Variants in CAB39L observed in about 807,000 individuals in gnomAD.
CAB39L encodes calcium binding protein 39 like, also known as calcium-binding protein 39-like.
In CAB39L, 23 loss-of-function variants were observed where a neutral mutation model predicts 39.1. The ratio of observed to expected loss-of-function variants is 0.59; its 90% CI spans 0.42 to 0.83. The LOEUF (loss-of-function observed/expected upper bound fraction) is 0.83. Ranked by LOEUF, CAB39L falls within the 40% of genes least tolerant of loss-of-function variation. CAB39L has a pLI of 0.00. For missense variants in CAB39L, 366 were observed against 391.9 expected (o/e 0.93, Z 0.56); for synonymous variants, 126 against 137.2 (o/e 0.92, Z 0.57).
Position 49,405,753 on chromosome 13 carries a change from G to GGGAGGGAC in CAB39L, c.-31-22820_-31-22813dup, listed in dbSNP as rs1464429339. Among the ~76,000 whole-genome samples, 438 of 146,794 alleles carry GGGAGGGAC rather than the reference G, an allele frequency of 3.0e-3. 3 individuals carry two copies. The highest frequency in any genetic ancestry group is 0.01 in the African/African-American group (403 of 39,944). On this transcript the variant is annotated intron_variant, in intron 3 of 10. Transcript: ENST00000409308. ...AGGAAGGAAGGAAGGAAGGAAGGGA[G>GGGAGGGAC]GGAGGGACGGAGGGACAGAGGGAGG...
intron 3 of CAB39L, chr13:49,412,844 T>C (rs1292339022): frequency 6.6e-6 from 1 of 152,202 alleles, no homozygotes; most frequent in Non-Finnish European, 1.5e-5. Context: ...TCTATGAGAC[T>C]CTAATTCTGC....
chr13:49,440,559 T>C (rs181476680), intron 1 of CAB39L, among the ~76,000 whole-genome samples: 13 of 151,866 alleles, frequency 8.6e-5, no homozygotes, highest in South Asian at 2.1e-4. Flanking sequence ...GTGTAGCTTG[T>C]TTTGGGCAGT....
chr13:49,374,015 A>G (rs569348605), intron 5 of CAB39L, among the ~76,000 whole-genome samples: 1 of 152,342 alleles, frequency 6.6e-6, no homozygotes, highest in South Asian at 2.1e-4. Context: ...CTTCCTGAAA[A>G]TACTGTATGT....
chr13:49,339,077 C>T (rs1032965960), intron 9 of CAB39L, among the ~76,000 whole-genome samples: 3 of 150,104 alleles, frequency 2.0e-5, no homozygotes, highest in African/African-American at 7.4e-5. Flanking sequence ...TTATCAATTG[C>T]TGTGCTTAAA....
chr13:49,368,159 T>A (rs1036287242), intron 5 of CAB39L, among the ~76,000 whole-genome samples: 51 of 152,238 alleles, frequency 3.4e-4, no homozygotes, highest in African/African-American at 1.2e-3. Flanking sequence ...CAGTGAAATG[T>A]CACAAGAACA....
At chr13:49,317,745 G>C (rs946311228) in intron 10 of CAB39L, among the ~76,000 whole-genome samples, 2 of 151,890 alleles carry the variant, frequency 1.3e-5, no homozygotes, top group African/African-American at 4.8e-5. Flanking sequence ...AAAAATACAA[G>C]CAATGAAAGA....
intron 10 of CAB39L, among the ~76,000 whole-genome samples, chr13:49,329,554 T>C (rs1294756558): frequency 0.01 from 68 of 6,724 alleles, 2 homozygotes; most frequent in African/African-American, 0.071. Flanking sequence ...AATATATATA[T>C]ATATATATAT....
Position 49,339,668 on chromosome 13 carries a change from T to G in CAB39L, c.690+9A>C. 6.4e-7 allele frequency: 1 copy of G among 1,562,360 alleles called. No homozygotes were observed. The highest frequency in any genetic ancestry group is 8.6e-7 in the Non-Finnish European group (1 of 1,158,270). Reference sequence around the variant, plus strand: ...ACGGGGACACTGACTTAAAGAAATTTGATATTACCTTTAAAGACTGTCTCT... The same window carrying G: ...ACGGGGACACTGACTTAAAGAAATTGGATATTACCTTTAAAGACTGTCTCT... On this transcript the variant is annotated intron_variant, in intron 9 of 10. Transcript: ENST00000409308.
At chr13:49,338,615 A>C (rs1301100487) in intron 9 of CAB39L, among the ~76,000 whole-genome samples, 1 of 152,148 alleles carries the variant, frequency 6.6e-6, no homozygotes, top group African/African-American at 2.4e-5. Flanking sequence ...ACTAACCTGC[A>C]CAATGTGCAC....
At position 49,409,601 on chromosome 13, in the gene CAB39L, T is replaced by TC. The variant is rs149314310; in HGVS notation, c.-32+23716dup. ...ACATAAGTGGAATAATATATATTTTTCTAAAATGAGAAGGAGGAGAAAGCA... is the reference window on the plus strand; with the variant it reads ...ACATAAGTGGAATAATATATATTTTTCCTAAAATGAGAAGGAGGAGAAAGCA... On this transcript the variant is annotated intron_variant, in intron 3 of 10. Transcript: ENST00000409308. Among the ~76,000 whole-genome samples, 538 of 152,160 alleles carry TC rather than the reference T, an allele frequency of 3.5e-3. 2 individuals are homozygous for TC. Among genetic ancestry groups the TC allele is most frequent in the African/African-American group, 0.011 (467 of 41,496 alleles).
chr13:49,312,020 A>G (rs993226876), intron 10 of CAB39L, among the ~76,000 whole-genome samples: 5 of 152,134 alleles, frequency 3.3e-5, no homozygotes, highest in African/African-American at 1.2e-4. Flanking sequence ...CAGCTTCCCC[A>G]GTGGCTAGGA....
rs1219719749 is a variant in CAB39L, at chr13:49,309,905, CT to C, written c.*908del. 6.6e-6 allele frequency: 1 copy of C among 152,226 alleles called. No homozygotes were observed. The highest frequency in any genetic ancestry group is 2.4e-5 in the African/African-American group (1 of 41,446). 9.4% of individuals were successfully genotyped at this position (152,226 alleles called of 1,614,324 possible). On this transcript the variant is annotated 3_prime_UTR_variant, in exon 11 of 11. Coordinates refer to ENST00000409308, the MANE Select transcript of CAB39L (RefSeq NM_001079670.3). The stretch of plus-strand genomic sequence containing the variant: ...TACTGATAGAAGTTCCCCGCTGAGA[CT>C]CCCTGGACCCATGGTTTGTGCCTGC...
chr13:49,339,360 A>G (rs899775220), intron 9 of CAB39L, among the ~76,000 whole-genome samples: 9 of 152,032 alleles, frequency 5.9e-5, no homozygotes, highest in African/African-American at 2.2e-4. Flanking sequence ...CGAACTCCTG[A>G]CCTCAGGTGA....
At chr13:49,432,808 T>C (rs919726751) in intron 3 of CAB39L, among the ~76,000 whole-genome samples, 2 of 152,260 alleles carry the variant, frequency 1.3e-5, no homozygotes, top group East Asian at 3.9e-4. Context: ...AACCAAGAAT[T>C]ATTAGGGAAG....
At chr13:49,353,415 C>A (rs1566084593) in intron 6 of CAB39L, among the ~76,000 whole-genome samples, 1 of 152,186 alleles carries the variant, frequency 6.6e-6, no homozygotes, top group Non-Finnish European at 1.5e-5. Flanking sequence ...AAAATCCAGA[C>A]TTATTGATCA....
chr13:49,324,582 A>T (rs1041516441), intron 10 of CAB39L, among the ~76,000 whole-genome samples: 10 of 152,300 alleles, frequency 6.6e-5, no homozygotes, highest in African/African-American at 1.7e-4. Context: ...AAGTGGGGCT[A>T]TGTAGAAGAA....
In CAB39L at chr13:49,339,677, C is replaced by T. The variant is rs1245376857; in HGVS notation, c.690G>A (p.Lys230=). The T allele has an allele frequency of 6.4e-7, 1 of 1,568,604 alleles. No homozygotes were observed. Residue 230 remains lysine (K), a splice_region_variant and synonymous_variant, in exon 9 of 11, where the codon AAG becomes AAA. Transcript: ENST00000409308. ...ENYVTKRQSL[K]LLGELILDRH... is the part of the protein sequence containing the mutation. ...CTGACTTAAAGAAATTTGATATTAC[C>T]TTTAAAGACTGTCTCTTAGTAACAT...
chr13:49,352,570 A>G (rs118028554), intron 6 of CAB39L, among the ~76,000 whole-genome samples: 3,940 of 152,100 alleles, frequency 0.026, 69 homozygotes, highest in Non-Finnish European at 0.042. Context: ...CCTGGGCAAC[A>G]TGGCTGACTT....
At chr13:49,370,095 T>C (rs1955876407) in intron 5 of CAB39L, among the ~76,000 whole-genome samples, 1 of 152,104 alleles carries the variant, frequency 6.6e-6, no homozygotes, top group South Asian at 2.1e-4. Context: ...TGAATTTCAG[T>C]AGCAGAAGTG....
Sources: allele counts gnomAD v4.1 joint callset (sites outside exome capture counted in the v4.1 genomes callset), GRCh38; gene constraint gnomAD v4.1.1; transcripts MANE v1.5; gene names NCBI Gene and HGNC (gene_info 2026-07-23, HGNC 2026-07-21).